The following NDRG3 variants were observed in gnomAD, a reference collection of about 807,000 sequenced individuals.
The protein encoded by NDRG3 is NDRG family member 3.
NDRG3 carries 23 observed loss-of-function variants against 57.2 expected under a neutral mutation model. The ratio of observed to expected loss-of-function variants is 0.40; its 90% CI spans 0.29 to 0.57. NDRG3 has a LOEUF of 0.57. Among genes scored for constraint, NDRG3 ranks in the 20% least tolerant of loss-of-function variants. The pLI is 0.42. For synonymous variants in NDRG3, 132 were observed against 162.6 expected (o/e 0.81, Z 1.43); for missense variants, 384 against 457.3 (o/e 0.84, Z 1.46).
At chr20:36,729,340 G>A (rs1363852033) in intron 1 of NDRG3, among the ~76,000 whole-genome samples, 12 of 152,174 alleles carry the variant, frequency 7.9e-5, no homozygotes, top group Admixed American at 7.9e-4. Context: ...AACAGTTTCA[G>A]AGGCAAGGGC....
intron 3 of NDRG3, among the ~76,000 whole-genome samples, chr20:36,694,373 G>C (rs1227539162): frequency 1.3e-5 from 2 of 152,190 alleles, no homozygotes; most frequent in Non-Finnish European, 2.9e-5. Context: ...AATAGTTCCT[G>C]ACATAAAAGA....
At chr20:36,684,571 T>C in intron 5 of NDRG3, 96 bp from the exon 6 acceptor site, 1 of 1,075,132 alleles carries the variant, frequency 9.3e-7, no homozygotes, top group Non-Finnish European at 1.4e-6. Flanking sequence ...GATAAAAGGC[T>C]GAGCGCAGTA....
rs140613359 is a variant in NDRG3 at position 36,667,805 on chromosome 20, A to G, written c.589-1413T>C. ...GAAAAAATTTCTTCACATTTTCACA[A>G]CCATGTGGATGAAATGAACCCAGAA... On this transcript the variant is annotated intron_variant, in intron 9 of 15. Transcript: ENST00000349004. Among the ~76,000 whole-genome samples, 96 of 152,330 alleles carry G rather than the reference A, an allele frequency of 6.3e-4. 4 individuals carry two copies. Among genetic ancestry groups the G allele is most frequent in the Middle Eastern group, 3.4e-3 (1 of 294 alleles).
In NDRG3 at chr20:36,671,394, A is replaced by G; in HGVS notation, c.535T>C (p.Ser179Pro). The change falls in exon 9 of 16, where the codon TCT (serine) becomes CCT (proline). Residue 179 changes from serine to proline, a missense_variant. Physicochemically the swap from Ser to Pro is moderately conservative, Grantham distance 74. Transcript: ENST00000349004. ...GWIDWAASKL[S>P]GLTTNVVDII... Reference sequence around the variant, plus strand: ...TCCACAACATTGGTTGTCAGGCCAGAGAGCTGAAAAGATAAAAACTCTGTG... The same window carrying G: ...TCCACAACATTGGTTGTCAGGCCAGGGAGCTGAAAAGATAAAAACTCTGTG... The G allele has an allele frequency of 6.2e-7, 1 of 1,613,718 alleles. No individual in the cohort carries two copies. The highest frequency in any genetic ancestry group is 1.1e-5 in the South Asian group (1 of 90,998).
intron 15 of NDRG3, chr20:36,654,697 C>T: frequency 2.7e-6 from 2 of 749,062 alleles, no homozygotes; most frequent in Admixed American, 1.8e-5. Context: ...GAGCCACGTT[C>T]TATCGGGCTC....
intron 3 of NDRG3, among the ~76,000 whole-genome samples, chr20:36,704,031 A>T (rs1222409935): frequency 6.6e-6 from 1 of 152,016 alleles, no homozygotes; most frequent in East Asian, 1.9e-4. Flanking sequence ...TTTCTCATTT[A>T]TTTTGCAACA....
At chr20:36,666,451 G>C in intron 9 of NDRG3, 59 bp from the exon 10 acceptor site, 1 of 1,332,348 alleles carries the variant, frequency 7.5e-7, no homozygotes, top group Non-Finnish European at 1.1e-6. Context: ...AGTCCATCTT[G>C]TTTGGTTTGC....
In NDRG3 at chr20:36,653,806, C is replaced by G; in HGVS notation, c.947-105G>C. ...ATGTTTAGCTTTTCCGACTCATTTA[C>G]CATGACACCCAGGACAAGATATAGC... is the stretch of plus-strand genomic sequence containing the variant. On this transcript the variant is annotated intron_variant, in intron 15 of 15. Transcript: ENST00000349004. This position sits in a 1 kb window ranked among gnomAD's most constrained non-coding sequence, Gnocchi z 4.2. The G allele has an allele frequency of 7.7e-6, 8 of 1,033,084 alleles. 1 individual carries two copies. Among genetic ancestry groups the G allele is most frequent in the South Asian group, 3.1e-5 (2 of 63,890 alleles). The allele number at this position is 1,033,084 out of a possible 1,614,324, so 64.0% of individuals were successfully genotyped here.
At chr20:36,702,422 G>C (rs893898746) in intron 3 of NDRG3, among the ~76,000 whole-genome samples, 1 of 151,918 alleles carries the variant, frequency 6.6e-6, no homozygotes, top group East Asian at 1.9e-4. Flanking sequence ...AGGCGTGAGC[G>C]ACCGCGCCCG....
intron 1 of NDRG3, among the ~76,000 whole-genome samples, chr20:36,732,359 G>A (rs1050033653): frequency 7.2e-5 from 11 of 152,166 alleles, no homozygotes; most frequent in African/African-American, 1.4e-4. Flanking sequence ...CGTTTAAAGC[G>A]TGATAATACA....
intron 5 of NDRG3, among the ~76,000 whole-genome samples, chr20:36,686,143 G>C (rs1981770372): frequency 6.6e-6 from 1 of 152,182 alleles, no homozygotes; most frequent in Non-Finnish European, 1.5e-5. Context: ...TAAGGGGATG[G>C]TGTGCTGTGG....
chr20:36,685,652 C>A (rs560937059), intron 5 of NDRG3, among the ~76,000 whole-genome samples: 20 of 152,220 alleles, frequency 1.3e-4, no homozygotes, highest in African/African-American at 4.8e-4. Flanking sequence ...TAATATGAAC[C>A]ATCTGATCCT....
At chr20:36,743,447 T>A (rs1181976088) in intron 1 of NDRG3, among the ~76,000 whole-genome samples, 1 of 151,932 alleles carries the variant, frequency 6.6e-6, no homozygotes, top group African/African-American at 2.4e-5. Flanking sequence ...TGAGCCGAGA[T>A]TGCGCCACTG....
intron 3 of NDRG3, among the ~76,000 whole-genome samples, chr20:36,705,801 G>A (rs1983518770): frequency 6.6e-6 from 1 of 152,064 alleles, no homozygotes; most frequent in Non-Finnish European, 1.5e-5. Flanking sequence ...CCAGGCTGAA[G>A]TGTGGTGGTG....
chr20:36,682,956 A>AT (rs1182992575), intron 6 of NDRG3, among the ~76,000 whole-genome samples: 1 of 151,484 alleles, frequency 6.6e-6, no homozygotes, highest in East Asian at 1.9e-4. Context: ...AAAAAAAAAA[A>AT]CAAAGGCTGG....
At chr20:36,674,516 T>C (rs1381460738) in intron 8 of NDRG3, among the ~76,000 whole-genome samples, 1 of 151,726 alleles carries the variant, frequency 6.6e-6, no homozygotes, top group Admixed American at 6.6e-5. Flanking sequence ...TTTAAGTCTT[T>C]TTAAGGATCA....
At chr20:36,715,596 T>C (rs577376171) in intron 2 of NDRG3, among the ~76,000 whole-genome samples, 28 of 151,568 alleles carry the variant, frequency 1.8e-4, no homozygotes, top group African/African-American at 5.6e-4. Context: ...GGCAGGAGGA[T>C]TGCTTGAGCT....
intron 2 of NDRG3, among the ~76,000 whole-genome samples, chr20:36,721,390 G>A (rs929462266): frequency 3.3e-5 from 5 of 151,878 alleles, no homozygotes; most frequent in South Asian, 2.1e-4. Context: ...TTAGCTGGGC[G>A]TGATGACACG....
chr20:36,695,024 G>A lies in NDRG3; in HGVS notation c.94-6240C>T, dbSNP rs532692290. ...GGGACCTGCTGAAGCCGTGATAGAA[G>A]AACATAAATTGTGAAGATTTCATGG... On this transcript the variant is annotated intron_variant, in intron 3 of 15. Coordinates refer to ENST00000349004, the MANE Select transcript of NDRG3 (RefSeq NM_032013.4). Among the ~76,000 whole-genome samples the A allele has an allele frequency of 1.4e-4, 22 of 152,288 alleles. 1 individual carries two copies. The highest frequency in any genetic ancestry group is 5.1e-4 in the African/African-American group (21 of 41,562).
Sources: gnomAD v4.1 joint callset for allele counts (sites outside exome capture counted in the v4.1 genomes callset) on GRCh38, gnomAD v4.1.1 for gene constraint, Gnocchi (gnomAD v3.1) non-coding constraint, MANE v1.5 for transcripts, NCBI Gene and HGNC (gene_info 2026-07-23, HGNC 2026-07-21) for gene names.